ABLIM1: variants seen among roughly 807,000 people sequenced by gnomAD.
ABLIM1 encodes the protein actin binding LIM protein 1.
A neutral mutation model predicts 107.0 loss-of-function variants in ABLIM1; 40 were observed. The observed-to-expected ratio is 0.37, with a 90% confidence interval of 0.29 to 0.49. ABLIM1 has a LOEUF of 0.49. Ranked by LOEUF, ABLIM1 falls within the 20% of genes least tolerant of loss-of-function variation. The pLI, the probability that ABLIM1 is intolerant of heterozygous loss-of-function variation, is 0.97. For missense variants in ABLIM1, 857 were observed against 1,008.5 expected (o/e 0.85, Z 2.04); for synonymous variants, 357 against 357.3 (o/e 1.00, Z 0.01).
At chr10:114,527,112 G>A (rs2064895247) in intron 6 of ABLIM1, among the ~76,000 whole-genome samples, 1 of 152,184 alleles carries the variant, frequency 6.6e-6, no homozygotes. Flanking sequence ...GCATAAGCTT[G>A]TACTGAAACG....
chr10:114,661,270 A>G (rs1456743425), upstream of ABLIM1, among the ~76,000 whole-genome samples: 7 of 152,270 alleles, frequency 4.6e-5, no homozygotes, highest in African/African-American at 1.7e-4. Flanking sequence ...ACTACATATA[A>G]ATGTGAGGGG....
chr10:114,789,561 C>T, the ABLIM1 span, among the ~76,000 whole-genome samples: 9 of 152,044 alleles, frequency 5.9e-5, no homozygotes, highest in Non-Finnish European at 1.3e-4. Flanking sequence ...ATAAATGTTC[C>T]CTTTTCTCTG....
intron 2 of ABLIM1, among the ~76,000 whole-genome samples, chr10:114,582,938 G>A (rs990294586): frequency 3.3e-5 from 5 of 152,096 alleles, no homozygotes; most frequent in African/African-American, 1.2e-4. Context: ...ATACCCTTCT[G>A]GACATCGGCC....
At chr10:114,592,093 T>C (rs1165575014) in intron 2 of ABLIM1, among the ~76,000 whole-genome samples, 1 of 152,226 alleles carries the variant, frequency 6.6e-6, no homozygotes, top group African/African-American at 2.4e-5. Flanking sequence ...CCTACATTCT[T>C]GTCAGGGGAC....
At position 114,444,232 on chromosome 10, in the gene ABLIM1, G is replaced by A. The variant is rs1044557397; in HGVS notation, c.1828-98C>T. On this transcript the variant is annotated intron_variant, in intron 16 of 22. Coordinates refer to ENST00000533213, the MANE Select transcript of ABLIM1 (RefSeq NM_002313.7). ...TTCTTTGTAGCAGATCCCACAAGAA[G>A]TTTCTCTTGCTGGAGGGCCTGAATG... 3 of 1,078,216 alleles carry A rather than the reference G, an allele frequency of 2.8e-6. No homozygotes were observed. The African/African-American group carries it at 4.8e-5, about 17-fold the overall frequency. The allele number at this position is 1,078,216 out of a possible 1,614,324, so 66.8% of individuals were successfully genotyped here.
intron 1 of ABLIM1, among the ~76,000 whole-genome samples, chr10:114,647,014 G>A (rs1357149926): frequency 6.6e-6 from 1 of 151,610 alleles, no homozygotes; most frequent in East Asian, 1.9e-4. Context: ...ATTTATTTTT[G>A]AGACAGGGTC....
At chr10:114,559,680 C>T (rs753067851) in intron 4 of ABLIM1, among the ~76,000 whole-genome samples, 4 of 152,128 alleles carry the variant, frequency 2.6e-5, no homozygotes, top group Non-Finnish European at 4.4e-5. Context: ...CCAGACATGC[C>T]TTGCAAACAT....
intron 12 of ABLIM1, among the ~76,000 whole-genome samples, chr10:114,455,417 TA>T (rs1388255771): frequency 6.6e-6 from 1 of 152,186 alleles, no homozygotes; most frequent in Non-Finnish European, 1.5e-5. Flanking sequence ...AGCTAATTTA[TA>T]AAAATGTTAT....
intron 1 of ABLIM1, among the ~76,000 whole-genome samples, chr10:114,622,768 C>T (rs1439013509): frequency 6.6e-6 from 1 of 150,910 alleles, no homozygotes; most frequent in Non-Finnish European, 1.5e-5. Flanking sequence ...TCTTCCTTCT[C>T]CTCACCTGCT....
chr10:114,452,087 CT>C (rs2139666965), intron 13 of ABLIM1, among the ~76,000 whole-genome samples: 1 of 152,160 alleles, frequency 6.6e-6, no homozygotes, highest in African/African-American at 2.4e-5. Context: ...GCTCAATTTA[CT>C]TTTCAACTAA....
At chr10:114,785,889 C>T in the ABLIM1 span, among the ~76,000 whole-genome samples, 8 of 152,044 alleles carry the variant, frequency 5.3e-5, no homozygotes, top group Non-Finnish European at 1.0e-4. Flanking sequence ...CCACCACACC[C>T]GGCTGATTTT....
chr10:114,496,161 T>A (rs765813965), intron 6 of ABLIM1, among the ~76,000 whole-genome samples: 10 of 152,240 alleles, frequency 6.6e-5, no homozygotes, highest in Non-Finnish European at 1.3e-4. Flanking sequence ...TGTGTTCTAT[T>A]AACTCACAAG....
intron 1 of ABLIM1, chr10:114,632,211 G>A: frequency 1.0e-6 from 1 of 985,372 alleles, no homozygotes; most frequent in Non-Finnish European, 1.2e-6. Flanking sequence ...TACAGCTGCT[G>A]CTGTAACAAA....
chr10:114,796,645 C>G, the ABLIM1 span, among the ~76,000 whole-genome samples: 1 of 152,186 alleles, frequency 6.6e-6, no homozygotes, highest in East Asian at 1.9e-4. Context: ...TGGAGGCTGG[C>G]TACCACTCTC....
At chr10:114,646,708 C>T (rs561233713) in intron 1 of ABLIM1, among the ~76,000 whole-genome samples, 1 of 152,280 alleles carries the variant, frequency 6.6e-6, no homozygotes, top group African/African-American at 2.4e-5. Flanking sequence ...AGGAGGTTGG[C>T]TGGGCTCAAC....
chr10:114,609,692 G>T (rs2076675644), intron 1 of ABLIM1, among the ~76,000 whole-genome samples: 1 of 152,084 alleles, frequency 6.6e-6, no homozygotes, highest in African/African-American at 2.4e-5. Flanking sequence ...AACACTATAG[G>T]GACATCTCCC....
At chr10:114,613,757 C>A (rs930473933) in intron 1 of ABLIM1, 2 of 1,302,950 alleles carry the variant, frequency 1.5e-6, no homozygotes, top group African/African-American at 3.0e-5. Context: ...GAATGCTACA[C>A]ATTCTAGAAC....
chr10:114,715,098 C>T (rs945754022), intron 1 of ABLIM1, among the ~76,000 whole-genome samples: 5 of 152,150 alleles, frequency 3.3e-5, no homozygotes, highest in Non-Finnish European at 7.3e-5. Context: ...AAAAGTTACT[C>T]ATTTTTAATA....
upstream of ABLIM1, among the ~76,000 whole-genome samples, chr10:114,689,730 T>C (rs957924089): frequency 1.3e-5 from 2 of 152,022 alleles, no homozygotes; most frequent in Admixed American, 6.6e-5. Flanking sequence ...TTTTTCTCTT[T>C]ATGATCAGTA....
Sources: gnomAD v4.1 joint callset for allele counts (sites outside exome capture counted in the v4.1 genomes callset) on GRCh38, gnomAD v4.1.1 for gene constraint, MANE v1.5 for transcripts, NCBI Gene and HGNC (gene_info 2026-07-23, HGNC 2026-07-21) for gene names.